Variants in NHSL1 observed in about 807,000 individuals in gnomAD.
NHSL1 encodes NHS-like protein 1.
A neutral mutation model predicts 95.0 loss-of-function variants in NHSL1; 48 were observed. The observed-to-expected ratio is 0.51, with a 90% CI of 0.40 to 0.64. NHSL1 has a LOEUF of 0.64. NHSL1 is among the 30% of genes least tolerant of loss of function. The pLI is 0.00. For missense variants in NHSL1, 1,971 were observed against 2,077.7 expected (o/e 0.95, Z 1.00); for synonymous variants, 783 against 833.9 (o/e 0.94, Z 1.05).
intron 1 of NHSL1, among the ~76,000 whole-genome samples, chr6:138,556,208 ATTCT>A (rs1369620638): frequency 6.6e-6 from 1 of 152,182 alleles, no homozygotes; most frequent in Non-Finnish European, 1.5e-5. Flanking sequence ...AAAAGTCAGA[ATTCT>A]TTGAGTTTTC....
chr6:138,642,634 T>C (rs1420814517), intron 1 of NHSL1, among the ~76,000 whole-genome samples: 1 of 152,162 alleles, frequency 6.6e-6, no homozygotes, highest in East Asian at 1.9e-4. Context: ...TTTTGTTTGT[T>C]TCAGTTTTTT....
intron 1 of NHSL1, among the ~76,000 whole-genome samples, chr6:138,609,642 C>A (rs573229604): frequency 1.3e-5 from 2 of 149,376 alleles, no homozygotes; most frequent in South Asian, 4.3e-4. Flanking sequence ...CCCAGCTATT[C>A]GGGAGGCTAA....
At chr6:138,460,707 T>C (rs548970721) in intron 3 of NHSL1, among the ~76,000 whole-genome samples, 125 of 152,096 alleles carry the variant, frequency 8.2e-4, no homozygotes, top group Non-Finnish European at 1.1e-3. Flanking sequence ...GATTACTGTA[T>C]ATAATTTTTA....
chr6:138,508,168 T>C (rs967814276), intron 1 of NHSL1, among the ~76,000 whole-genome samples: 2 of 152,002 alleles, frequency 1.3e-5, no homozygotes, highest in Non-Finnish European at 1.5e-5. Context: ...ACAGAAAACA[T>C]GCTATGAAAA....
chr6:138,546,448 A>AAAAAAAAAAAAAAAAC (rs1562362745), upstream of NHSL1, among the ~76,000 whole-genome samples: 1 of 142,012 alleles, frequency 7.0e-6, no homozygotes, highest in African/African-American at 3.0e-5. Flanking sequence ...AAAAAAAAAA[A>AAAAAAAAAAAAAAAAC]AAAAAAAAAA....
chr6:138,514,485 T>G (rs941592806), intron 1 of NHSL1, among the ~76,000 whole-genome samples: 1 of 152,156 alleles, frequency 6.6e-6, no homozygotes, highest in Non-Finnish European at 1.5e-5. Context: ...TTCCTACACA[T>G]ACATATCCAC....
intron 1 of NHSL1, among the ~76,000 whole-genome samples, chr6:138,605,775 C>G (rs1331374791): frequency 6.6e-6 from 1 of 152,180 alleles, no homozygotes; most frequent in Non-Finnish European, 1.5e-5. Context: ...AATCTGTTCA[C>G]TCAATAGTGT....
In NHSL1 at chr6:138,431,889, C is replaced by A. The variant is rs1381598308; in HGVS notation, c.2456G>T (p.Gly819Val). 1.3e-6 allele frequency: 2 copies of A among 1,551,588 alleles called. No individual in the cohort carries two copies. The highest frequency in any genetic ancestry group is 2.7e-5 in the African/African-American group (2 of 73,038). The change falls in exon 6 of 8, where the codon GGG (glycine) becomes GTG (valine). Residue 819 changes from glycine (G) to valine (V), a missense_variant. Transcript: ENST00000343505. This position sits in a 1 kb window ranked among gnomAD's most constrained non-coding sequence, Gnocchi z 4.0. ...CACTTGGGGCATTGTGGCTCTGGAC[C>A]CTTCTTGGACATGGCGGACTGGCCC... is the stretch of plus-strand genomic sequence containing the variant. ...GNGPVRHVQE[G>V]SRATMPQVPG...
chr6:138,459,414 T>C (rs1777848322), intron 3 of NHSL1, among the ~76,000 whole-genome samples: 1 of 152,358 alleles, frequency 6.6e-6, no homozygotes, highest in South Asian at 2.1e-4. Context: ...TTTGTAGATA[T>C]GAAAGTTATT....
chr6:138,654,915 G>C (rs1040607506), intron 1 of NHSL1, among the ~76,000 whole-genome samples: 1 of 152,346 alleles, frequency 6.6e-6, no homozygotes, highest in African/African-American at 2.4e-5. Context: ...TGAATGATAT[G>C]AGTCAGAGGA....
At chr6:138,488,716 A>C (rs1779863943) in intron 2 of NHSL1, among the ~76,000 whole-genome samples, 1 of 152,186 alleles carries the variant, frequency 6.6e-6, no homozygotes, top group Non-Finnish European at 1.5e-5. Flanking sequence ...TGGCTAAAGA[A>C]ACCAAATCCA....
At chr6:138,502,888 T>C (rs997158171), upstream of NHSL1, among the ~76,000 whole-genome samples, 1 of 152,176 alleles carries the variant, frequency 6.6e-6, no homozygotes, top group Non-Finnish European at 1.5e-5. Flanking sequence ...GTTAAATCAA[T>C]GAATAAAATC....
chr6:138,438,365 AT>A (rs1382880395), intron 5 of NHSL1, among the ~76,000 whole-genome samples: 1 of 152,076 alleles, frequency 6.6e-6, no homozygotes, highest in African/African-American at 2.4e-5. Flanking sequence ...TTTTTTTAAC[AT>A]AATGCTATTG....
At chr6:138,615,105 G>C (rs945714325) in intron 1 of NHSL1, among the ~76,000 whole-genome samples, 1 of 152,232 alleles carries the variant, frequency 6.6e-6, no homozygotes. Flanking sequence ...CCCAGGTCTC[G>C]GCTTGCAAAA....
At chr6:138,592,674 G>A (rs1373542011) in intron 1 of NHSL1, among the ~76,000 whole-genome samples, 4 of 152,128 alleles carry the variant, frequency 2.6e-5, no homozygotes, top group Non-Finnish European at 2.9e-5. Flanking sequence ...ACTAAAGAGT[G>A]AAAACTGACA....
chr6:138,575,024 C>T (rs184255591), upstream of NHSL1, among the ~76,000 whole-genome samples: 5 of 152,132 alleles, frequency 3.3e-5, no homozygotes, highest in Admixed American at 1.3e-4. Context: ...CTCAGCCTCC[C>T]GAGTAGCTAG....
At chr6:138,516,875 T>C (rs1781482848) in intron 1 of NHSL1, among the ~76,000 whole-genome samples, 1 of 152,100 alleles carries the variant, frequency 6.6e-6, no homozygotes, top group Non-Finnish European at 1.5e-5. Context: ...GCTCAAGCAA[T>C]CCTCGTGCCT....
intron 1 of NHSL1, among the ~76,000 whole-genome samples, chr6:138,588,242 C>T (rs533432430): frequency 6.6e-5 from 10 of 152,220 alleles, no homozygotes; most frequent in Non-Finnish European, 8.8e-5. Flanking sequence ...GCGGGCAGAT[C>T]ACTTGAGGTC....
At position 138,496,371 on chromosome 6, in the gene NHSL1, G is replaced by A. The variant is rs1005620885; in HGVS notation, c.59C>T (p.Thr20Met). The A allele has an allele frequency of 7.1e-6, 11 of 1,549,690 alleles. 1 individual carries two copies. The highest frequency in any genetic ancestry group is 6.9e-5 in the African/African-American group (5 of 72,918). ...KSLIKLFKKK[T>M]VSNLDEESRW... ...GCTTTCCTCATCTAGGTTGGAAACC[G>A]CTATAGAAAAAAAGATAGAATACAT... Residue 20 changes from threonine (T) to methionine (M), a missense_variant and splice_region_variant, in exon 2 of 8, where the codon ACG (threonine) becomes ATG (methionine). Coordinates refer to ENST00000343505, the MANE Select transcript of NHSL1 (RefSeq NM_001144060.2).
Sources: allele counts gnomAD v4.1 joint callset (sites outside exome capture counted in the v4.1 genomes callset), GRCh38; gene constraint gnomAD v4.1.1; non-coding constraint Gnocchi (gnomAD v3.1); transcripts MANE v1.5; gene names NCBI Gene and HGNC (gene_info 2026-07-23, HGNC 2026-07-21).